Variants in MEI1 observed in about 807,000 individuals in gnomAD.
The protein encoded by MEI1 is meiosis inhibitor protein 1.
In MEI1, 103 loss-of-function variants were observed where a neutral mutation model predicts 146.2. The observed-to-expected ratio is 0.70, with a 90% CI of 0.60 to 0.83. MEI1 has a LOEUF of 0.83. Among genes scored for constraint, MEI1 ranks in the 40% least tolerant of loss-of-function variants. The pLI, the probability that MEI1 is intolerant of heterozygous loss-of-function variation, is 0.00. For missense variants in MEI1, 1,529 were observed against 1,533.0 expected (o/e 1.00, Z 0.04); for synonymous variants, 652 against 628.2 (o/e 1.04, Z -0.57).
At chr22:41,790,584 G>A (rs575701984) in intron 26 of MEI1, among the ~76,000 whole-genome samples, 117 of 151,502 alleles carry the variant, frequency 7.7e-4, no homozygotes, top group African/African-American at 2.8e-3. Context: ...TTCTTCCACT[G>A]AACTTCTTTT....
intron 11 of MEI1, among the ~76,000 whole-genome samples, chr22:41,735,818 C>G (rs2072314319): frequency 1.3e-5 from 2 of 152,172 alleles, no homozygotes; most frequent in African/African-American, 4.8e-5. Flanking sequence ...AGCCCTGGTT[C>G]TCTTACTGTA....
At chr22:41,724,128 C>G (rs1301276749) in intron 7 of MEI1, 55 bp downstream of exon 7, 24 of 1,594,248 alleles carry the variant, frequency 1.5e-5, no homozygotes, top group Middle Eastern at 1.7e-4. Context: ...GACCCAAGTG[C>G]TTCTTGGGCC....
intron 20 of MEI1, among the ~76,000 whole-genome samples, chr22:41,772,596 A>G (rs974774652): frequency 3.3e-5 from 5 of 152,160 alleles, no homozygotes; most frequent in Admixed American, 2.6e-4. Context: ...TGTTGGGATT[A>G]TAGGCATAAA....
intron 3 of MEI1, among the ~76,000 whole-genome samples, chr22:41,708,744 C>T (rs1259917726): frequency 1.3e-5 from 2 of 152,214 alleles, no homozygotes; most frequent in Admixed American, 6.5e-5. Context: ...AATGGAGGCA[C>T]TGTTCTTTCG....
At chr22:41,776,011 A>G (rs1044740365) in intron 20 of MEI1, 91 bp from the exon 21 acceptor site, 6 of 1,307,758 alleles carry the variant, frequency 4.6e-6, no homozygotes, top group Non-Finnish European at 6.5e-6. Context: ...CATCATAATT[A>G]TGGGCCCTTT....
At chr22:41,797,224 G>A (rs1481455137) in intron 30 of MEI1, among the ~76,000 whole-genome samples, 3 of 152,088 alleles carry the variant, frequency 2.0e-5, no homozygotes, top group African/African-American at 7.2e-5. Context: ...CCTGAGCTCA[G>A]GTGATCTGCC....
intron 21 of MEI1, 99 bp downstream of exon 21, chr22:41,776,366 GT>G: frequency 7.5e-7 from 1 of 1,336,702 alleles, no homozygotes. Context: ...GAGAATCAGG[GT>G]TTTATCTGAA....
intron 6 of MEI1, among the ~76,000 whole-genome samples, chr22:41,723,543 T>A (rs1361956596): frequency 6.6e-6 from 1 of 152,188 alleles, no homozygotes; most frequent in Non-Finnish European, 1.5e-5. Context: ...TGTTTGTTTC[T>A]CCTACAGGAG....
At chr22:41,786,266 G>A (rs916095195) in intron 26 of MEI1, among the ~76,000 whole-genome samples, 22 of 152,014 alleles carry the variant, frequency 1.4e-4, no homozygotes, top group South Asian at 4.2e-4. Flanking sequence ...GGCTGGTCTC[G>A]AACTCCTGGC....
In MEI1 at chr22:41,743,117, G is replaced by GA; in HGVS notation, c.1371dup (p.Leu458ThrfsTer31). 1 of 1,613,192 alleles carries GA rather than the reference G, an allele frequency of 6.2e-7. No individual in the cohort carries two copies. The highest frequency in any genetic ancestry group is 1.1e-5 in the South Asian group (1 of 91,000). The stretch of plus-strand genomic sequence containing the variant: ...GAGCACTCCACCTGTGCAGTATGGG[G>GA]AACTGCAGGCTTTGCTAGAAGCCAT... On this transcript the variant is annotated frameshift_variant, in exon 12 of 31. Coordinates refer to ENST00000401548, the MANE Select transcript of MEI1 (RefSeq NM_152513.4). LOFTEE classifies it high-confidence loss of function.
At chr22:41,762,033 A>G (rs146018976) in intron 18 of MEI1, among the ~76,000 whole-genome samples, 160 of 152,320 alleles carry the variant, frequency 1.1e-3, no homozygotes, top group African/African-American at 3.5e-3. Flanking sequence ...TTATTCACCT[A>G]TTGGTGGACA....
At chr22:41,784,464 AG>A (rs768924623) in intron 25 of MEI1, 44 bp downstream of exon 25, 1 of 1,608,330 alleles carries the variant, frequency 6.2e-7, no homozygotes, top group Non-Finnish European at 8.5e-7. Context: ...CTTTTTCCCT[AG>A]GTTTTCAGAT....
chr22:41,778,566 A>G (rs2075589743), intron 21 of MEI1, 142 bp from the exon 22 acceptor site: 1 of 619,512 alleles, frequency 1.6e-6, no homozygotes. Context: ...AAATAGGAGT[A>G]AATCCCAACA....
chr22:41,729,689 C>G lies in MEI1; in HGVS notation c.889C>G (p.Leu297Val), dbSNP rs1312011128. 1 of 1,611,542 alleles carries G rather than the reference C, an allele frequency of 6.2e-7. No homozygotes were observed. Among genetic ancestry groups the G allele is most frequent in the Non-Finnish European group, 8.5e-7 (1 of 1,179,010 alleles). The stretch of plus-strand genomic sequence containing the variant: ...GCTTCTCCTCTCTAGAGATGAAACC[C>G]TGCAGGTGGCCAGTGCTCACTGTAT... ...KKLLLSRDET[L>V]QVASAHCITA... Residue 297 changes from leucine (L) to valine (V), a missense_variant, in exon 8 of 31, where the codon CTG (leucine) becomes GTG (valine). By Grantham distance (32) the Leu-to-Val change is conservative. Coordinates refer to ENST00000401548, the MANE Select transcript of MEI1 (RefSeq NM_152513.4).
chr22:41,792,054 A>C (rs2076199930), intron 26 of MEI1, among the ~76,000 whole-genome samples: 1 of 152,228 alleles, frequency 6.6e-6, no homozygotes, highest in Non-Finnish European at 1.5e-5. Context: ...ATATTCTTGA[A>C]TTACATTGCT....
rs778473936 is a variant in MEI1, at chr22:41,699,587, G to A, written c.49G>A (p.Glu17Lys). Residue 17 changes from glutamate to lysine, a missense_variant, in exon 1 of 31, where the codon GAG becomes AAG. Physicochemically the swap from Glu to Lys is moderately conservative, Grantham distance 56. Coordinates refer to ENST00000401548, the MANE Select transcript of MEI1 (RefSeq NM_152513.4). ...ATAGTPGPRR[E>K]EEAALLFERA... ...GGCGGGCACTCCCGGGCCCAGGAGA[G>A]AGGAAGAGGCGGCGCTTCTATTCGA... 2 of 1,612,898 alleles carry A rather than the reference G, an allele frequency of 1.2e-6. No individual in the cohort carries two copies. Among genetic ancestry groups the A allele is most frequent in the South Asian group, 2.2e-5 (2 of 91,044 alleles).
At chr22:41,741,186 G>A (rs1054072864) in intron 11 of MEI1, among the ~76,000 whole-genome samples, 2 of 152,174 alleles carry the variant, frequency 1.3e-5, no homozygotes, top group African/African-American at 2.4e-5. Flanking sequence ...TGCGGCCTGT[G>A]GGCTGTGGGT....
chr22:41,725,128 T>C (rs1190502521), intron 7 of MEI1, among the ~76,000 whole-genome samples: 3 of 151,820 alleles, frequency 2.0e-5, no homozygotes, highest in Admixed American at 6.6e-5. Context: ...ATTATTTTTT[T>C]TTTGAGATGT....
intron 26 of MEI1, among the ~76,000 whole-genome samples, chr22:41,786,004 G>A (rs1289648804): frequency 2.9e-5 from 4 of 139,632 alleles, no homozygotes; most frequent in South Asian, 2.3e-4. Context: ...TCCGCCTCCC[G>A]GGTTCACGCC....
Sources: allele counts gnomAD v4.1 joint callset (sites outside exome capture counted in the v4.1 genomes callset), GRCh38; gene constraint gnomAD v4.1.1; transcripts MANE v1.5; gene names NCBI Gene and HGNC (gene_info 2026-07-23, HGNC 2026-07-21).